PINX1: variants seen among roughly 807,000 people sequenced by gnomAD.
PINX1 encodes PIN2 (TERF1) interacting telomerase inhibitor 1, also known as PIN2/TERF1-interacting telomerase inhibitor 1.
A neutral mutation model predicts 25.4 loss-of-function variants in PINX1; 34 were observed. The observed-to-expected ratio is 1.34, with a 90% confidence interval of 1.02 to 1.78. PINX1 has a LOEUF of 1.78. Ranked by LOEUF, PINX1 falls within the 40% of genes most tolerant of loss-of-function variation. PINX1 has a pLI of 0.00. For missense variants in PINX1, 592 were observed against 404.9 expected (o/e 1.46, Z -3.97); for synonymous variants, 197 against 147.7 (o/e 1.33, Z -2.42).
At chr8:10,798,956 T>C (rs1052482794) in intron 6 of PINX1, among the ~76,000 whole-genome samples, 2 of 152,314 alleles carry the variant, frequency 1.3e-5, no homozygotes, top group African/African-American at 4.8e-5. Flanking sequence ...TTTTCCCAAA[T>C]TGTGCACAAG....
At chr8:10,785,686 A>C (rs1801725768) in intron 6 of PINX1, among the ~76,000 whole-genome samples, 1 of 152,250 alleles carries the variant, frequency 6.6e-6, no homozygotes, top group Admixed American at 6.5e-5. Flanking sequence ...AAGATCTTAA[A>C]TACAAATGCT....
chr8:10,792,886 A>G (rs1365920010), intron 6 of PINX1, among the ~76,000 whole-genome samples: 1 of 152,120 alleles, frequency 6.6e-6, no homozygotes, highest in African/African-American at 2.4e-5. Flanking sequence ...ACACCATCTC[A>G]TTATCTGAGA....
intron 6 of PINX1, among the ~76,000 whole-genome samples, chr8:10,801,853 C>A (rs997689758): frequency 6.6e-6 from 1 of 152,174 alleles, no homozygotes; most frequent in South Asian, 2.1e-4. Context: ...GATAAAGGAA[C>A]CTCCATCGCT....
chr8:10,785,976 C>T (rs571950529), intron 6 of PINX1, among the ~76,000 whole-genome samples: 1 of 152,162 alleles, frequency 6.6e-6, no homozygotes. Context: ...TATATCACTA[C>T]CAGATTAAGG....
At chr8:10,829,743 T>TGGC (rs1270438504) in intron 4 of PINX1, among the ~76,000 whole-genome samples, 2 of 152,002 alleles carry the variant, frequency 1.3e-5, no homozygotes, top group African/African-American at 2.4e-5. Flanking sequence ...TGGAGTGCAA[T>TGGC]GGCGTGATCT....
chr8:10,776,844 C>T (rs527383503), intron 6 of PINX1, among the ~76,000 whole-genome samples: 2 of 152,286 alleles, frequency 1.3e-5, no homozygotes, highest in South Asian at 4.1e-4. Context: ...GCCAACCCTT[C>T]CCCCACACTG....
rs1282967594 is a variant in PINX1, at chr8:10,765,894, G to A, written c.494C>T (p.Pro165Leu). ...GGTTGTCGTGGTTTCGTTCTCCTCT[G>A]GAGTGGAGGGACTGGCATCGCCCTA... ...TPEGDASPST[P>L]EENETTTTSA... The change falls in exon 7 of 7, where the codon CCA (proline) becomes CTA (leucine). Residue 165 changes from proline (P) to leucine (L), a missense_variant. Pro to Leu is a moderately conservative substitution (Grantham distance 98). Coordinates refer to ENST00000314787, the MANE Select transcript of PINX1 (RefSeq NM_017884.6). The A allele has an allele frequency of 2.5e-6, 4 of 1,613,776 alleles. No individual in the cohort carries two copies. The highest frequency in any genetic ancestry group is 3.4e-6 in the Non-Finnish European group (4 of 1,179,858).
chr8:10,769,892 A>G (rs1586127764), intron 6 of PINX1, among the ~76,000 whole-genome samples: 1 of 152,164 alleles, frequency 6.6e-6, no homozygotes, highest in Non-Finnish European at 1.5e-5. Flanking sequence ...GTATGTATCA[A>G]TTGACCACAT....
At chr8:10,785,566 A>G (rs1019183294) in intron 6 of PINX1, among the ~76,000 whole-genome samples, 7 of 152,242 alleles carry the variant, frequency 4.6e-5, no homozygotes, top group Admixed American at 1.3e-4. Context: ...TACTAATTAC[A>G]ATTAGTTCTT....
intron 6 of PINX1, among the ~76,000 whole-genome samples, chr8:10,790,399 G>A (rs527696469): frequency 1.3e-5 from 2 of 152,144 alleles, no homozygotes; most frequent in South Asian, 2.1e-4. Flanking sequence ...TTAACAGCAC[G>A]AGCGATGAGA....
chr8:10,798,603 T>C (rs1478632703), intron 6 of PINX1, among the ~76,000 whole-genome samples: 1 of 152,238 alleles, frequency 6.6e-6, no homozygotes, highest in Non-Finnish European at 1.5e-5. Context: ...GCTGCACCGA[T>C]GGCCGTTTAG....
At chr8:10,805,547 A>G (rs1175145435) in intron 6 of PINX1, among the ~76,000 whole-genome samples, 4 of 132,730 alleles carry the variant, frequency 3.0e-5, no homozygotes, top group African/African-American at 1.2e-4. Flanking sequence ...GAGGAGGCAG[A>G]GCACAGGAAG....
chr8:10,788,040 A>C (rs991173038), intron 6 of PINX1, among the ~76,000 whole-genome samples: 5 of 152,190 alleles, frequency 3.3e-5, no homozygotes, highest in African/African-American at 9.7e-5. Flanking sequence ...CAGTACTGTG[A>C]CTGTGTGTTA....
chr8:10,830,775 C>G lies in PINX1; in HGVS notation c.301+890G>C, dbSNP rs539139256. On this transcript the variant is annotated intron_variant, in intron 4 of 6. Coordinates refer to ENST00000314787, the MANE Select transcript of PINX1 (RefSeq NM_017884.6). ...TCCAAATCACAATGAGACATCATCT[C>G]ACACCCATTAGGATGGCTATTATCA... 1.8e-4 allele frequency among the ~76,000 whole-genome samples: 27 copies of G among 152,356 alleles called. No homozygotes were observed. In the South Asian group the frequency reaches 5.4e-3, roughly 30 times the overall value.
At chr8:10,789,630 AC>A (rs1295242046) in intron 6 of PINX1, among the ~76,000 whole-genome samples, 1 of 152,222 alleles carries the variant, frequency 6.6e-6, no homozygotes, top group African/African-American at 2.4e-5. Context: ...TAGCACAGGG[AC>A]CATAAACAAC....
chr8:10,806,720 G>A (rs1044396102), intron 6 of PINX1, among the ~76,000 whole-genome samples: 1 of 152,120 alleles, frequency 6.6e-6, no homozygotes, highest in East Asian at 1.9e-4. Context: ...TATAACCCCT[G>A]GAAAAACTGA....
intron 6 of PINX1, among the ~76,000 whole-genome samples, chr8:10,781,723 G>C (rs1033865462): frequency 2.0e-5 from 3 of 151,852 alleles, no homozygotes; most frequent in Non-Finnish European, 4.4e-5. Flanking sequence ...CAGGAACCCT[G>C]TACACTGCTG....
At chr8:10,794,200 T>C (rs954878584) in intron 6 of PINX1, among the ~76,000 whole-genome samples, 1 of 152,220 alleles carries the variant, frequency 6.6e-6, no homozygotes, top group African/African-American at 2.4e-5. Flanking sequence ...TGAACCAAAA[T>C]ATTAATGCTC....
At chr8:10,772,594 C>T (rs985361410) in intron 6 of PINX1, among the ~76,000 whole-genome samples, 7 of 152,208 alleles carry the variant, frequency 4.6e-5, no homozygotes, top group African/African-American at 1.7e-4. Flanking sequence ...CTAAACGCAC[C>T]AAGTCTCGGC....
Sources: allele counts gnomAD v4.1 joint callset (sites outside exome capture counted in the v4.1 genomes callset), GRCh38; gene constraint gnomAD v4.1.1; transcripts MANE v1.5; gene names NCBI Gene and HGNC (gene_info 2026-07-23, HGNC 2026-07-21).